The following PCOLCE2 variants were observed in gnomAD, a reference collection of about 807,000 sequenced individuals.
The protein encoded by PCOLCE2 is procollagen C-endopeptidase enhancer 2, also known as procollagen C-proteinase enhancer 2.
A neutral mutation model predicts 47.0 loss-of-function variants in PCOLCE2; 42 were observed. That is an observed-to-expected ratio of 0.89 (90% confidence interval 0.70 to 1.16). The LOEUF (loss-of-function observed/expected upper bound fraction) is 1.16, where lower values mean the gene tolerates loss of function less well. Among genes scored for constraint, PCOLCE2 ranks in the 50% most tolerant of loss-of-function variants. PCOLCE2 has a pLI of 0.00. For synonymous variants in PCOLCE2, 169 were observed against 191.7 expected (o/e 0.88, Z 0.98); for missense variants, 500 against 526.1 (o/e 0.95, Z 0.49).
intron 1 of PCOLCE2, among the ~76,000 whole-genome samples, chr3:142,888,181 T>G (rs575609808): frequency 5.9e-5 from 9 of 152,178 alleles, no homozygotes; most frequent in Non-Finnish European, 1.3e-4. Context: ...AGTTTGTCGT[T>G]CCCATATTTG....
chr3:142,882,577 C>T (rs1452680565), intron 2 of PCOLCE2, among the ~76,000 whole-genome samples: 1 of 151,758 alleles, frequency 6.6e-6, no homozygotes, highest in East Asian at 1.9e-4. Flanking sequence ...GTTTGTTTAT[C>T]ATTATTATTA....
At chr3:142,879,345 C>G (rs1933559518) in intron 2 of PCOLCE2, among the ~76,000 whole-genome samples, 1 of 151,902 alleles carries the variant, frequency 6.6e-6, no homozygotes, top group Non-Finnish European at 1.5e-5. Flanking sequence ...TTGAACACAG[C>G]ACTAAAAATA....
chr3:142,872,554 C>T (rs530076422), intron 2 of PCOLCE2, among the ~76,000 whole-genome samples: 45 of 152,270 alleles, frequency 3.0e-4, no homozygotes, highest in Admixed American at 1.9e-3. Flanking sequence ...CTAGAACAGT[C>T]CATGATAAGT....
rs1207112961 is a variant in PCOLCE2 at position 142,848,085 on chromosome 3, T to C, written c.448+132A>G. On this transcript the variant is annotated intron_variant, in intron 3 of 8. Transcript: ENST00000295992. ...AAAAGGCTGATTTTTTGTATTGGTC[T>C]CATCATGGTTTGATGGCATTCACTA... 4.9e-6 allele frequency: 4 copies of C among 815,660 alleles called. No individual in the cohort carries two copies. In the East Asian group the frequency reaches 7.8e-5, roughly 16 times the overall value. 50.5% of individuals were successfully genotyped at this position (815,660 alleles called of 1,614,324 possible).
chr3:142,820,444 C>T (rs1937000414), intron 8 of PCOLCE2, among the ~76,000 whole-genome samples: 1 of 152,156 alleles, frequency 6.6e-6, no homozygotes, highest in Non-Finnish European at 1.5e-5. Flanking sequence ...TAAACTCACT[C>T]CCATCCATGG....
intron 5 of PCOLCE2, among the ~76,000 whole-genome samples, chr3:142,834,472 A>T (rs374952200): frequency 2.0e-5 from 3 of 152,304 alleles, no homozygotes; most frequent in Admixed American, 6.5e-5. Context: ...ACATTTTTAT[A>T]CTTATTCCTG....
At chr3:142,830,106 C>T (rs1937128684) in intron 5 of PCOLCE2, among the ~76,000 whole-genome samples, 1 of 152,104 alleles carries the variant, frequency 6.6e-6, no homozygotes, top group Admixed American at 6.6e-5. Context: ...ATGGAAAAGG[C>T]AATTGAAGTT....
At chr3:142,880,455 C>T (rs535463078) in intron 2 of PCOLCE2, among the ~76,000 whole-genome samples, 2 of 152,318 alleles carry the variant, frequency 1.3e-5, no homozygotes, top group South Asian at 4.1e-4. Flanking sequence ...AAGTTGAGTT[C>T]CTGCCTAAAT....
chr3:142,848,163 C>A (rs1435480437), intron 3 of PCOLCE2, 54 bp downstream of exon 3: 45 of 1,572,380 alleles, frequency 2.9e-5, no homozygotes, highest in Middle Eastern at 1.7e-4. Flanking sequence ...CATCAAGTGC[C>A]AAGAACAGTG....
chr3:142,827,134 G>T (rs2108186162), intron 6 of PCOLCE2: 2 of 1,446,554 alleles, frequency 1.4e-6, no homozygotes, highest in Non-Finnish European at 1.9e-6. Flanking sequence ...GTTCCCCAGA[G>T]ACGTCCAGTC....
intron 5 of PCOLCE2, among the ~76,000 whole-genome samples, chr3:142,835,877 C>T (rs767547698): frequency 6.6e-5 from 10 of 152,190 alleles, no homozygotes; most frequent in Non-Finnish European, 1.3e-4. Flanking sequence ...TTCCTGGGCT[C>T]AACTGATCCT....
At chr3:142,853,646 GC>G (rs1366906114) in intron 2 of PCOLCE2, among the ~76,000 whole-genome samples, 2 of 152,186 alleles carry the variant, frequency 1.3e-5, no homozygotes, top group Non-Finnish European at 2.9e-5. Flanking sequence ...TTGCCTGGCA[GC>G]AGAGCTCCAA....
At chr3:142,840,151 G>A (rs536046125) in intron 4 of PCOLCE2, among the ~76,000 whole-genome samples, 2 of 152,222 alleles carry the variant, frequency 1.3e-5, no homozygotes, top group South Asian at 2.1e-4. Context: ...GTGTGATACC[G>A]TGCACGGCCT....
At chr3:142,835,688 G>A (rs1937195203) in intron 5 of PCOLCE2, among the ~76,000 whole-genome samples, 1 of 152,096 alleles carries the variant, frequency 6.6e-6, no homozygotes, top group Admixed American at 6.5e-5. Context: ...TGTCACCCAG[G>A]CTGGAGTGCA....
intron 6 of PCOLCE2, chr3:142,827,453 T>G (rs553929194): frequency 3.9e-5 from 61 of 1,554,514 alleles, no homozygotes; most frequent in Middle Eastern, 1.9e-4. Context: ...CTCAGGGTTG[T>G]GGGAGATAGC....
At chr3:142,865,938 G>T (rs978379446) in intron 2 of PCOLCE2, among the ~76,000 whole-genome samples, 14 of 152,164 alleles carry the variant, frequency 9.2e-5, no homozygotes, top group African/African-American at 3.4e-4. Flanking sequence ...GTAAGCAAGA[G>T]AAAAATAGTC....
intron 4 of PCOLCE2, among the ~76,000 whole-genome samples, chr3:142,841,988 T>C (rs1937268043): frequency 6.6e-6 from 1 of 152,254 alleles, no homozygotes; most frequent in Admixed American, 6.5e-5. Flanking sequence ...AAAAGTTGTA[T>C]ATGTAACCAC....
In PCOLCE2 at chr3:142,888,916, G is replaced by T. The variant is rs372026535; in HGVS notation, c.-20C>A. 68 of 1,382,862 alleles carry T rather than the reference G, an allele frequency of 4.9e-5. No individual in the cohort carries two copies. In the East Asian group the frequency reaches 1.9e-3, roughly 38 times the overall value. The allele number at this position is 1,382,862 out of a possible 1,614,324, so 85.7% of individuals were successfully genotyped here. ...CCTCATGGCAGCGTAGACGCTCGGG[G>T]TTTGCACCCCACGGCGCGCGCGCCG... On this transcript the variant is annotated 5_prime_UTR_variant, in exon 1 of 9. Transcript: ENST00000295992.
intron 2 of PCOLCE2, among the ~76,000 whole-genome samples, chr3:142,872,144 G>A (rs1933404178): frequency 6.6e-6 from 1 of 152,122 alleles, no homozygotes; most frequent in African/African-American, 2.4e-5. Flanking sequence ...AGGTCACCTT[G>A]TGCTGACTCC....
Sources: allele counts gnomAD v4.1 joint callset (sites outside exome capture counted in the v4.1 genomes callset), GRCh38; gene constraint gnomAD v4.1.1; transcripts MANE v1.5; gene names NCBI Gene and HGNC (gene_info 2026-07-23, HGNC 2026-07-21).